The following TDRP variants were observed in gnomAD, a reference collection of about 807,000 sequenced individuals.
The protein encoded by TDRP is testis development related protein.
Under a neutral mutation model 10.5 loss-of-function variants are expected in TDRP, and 12 were observed. That is an observed-to-expected ratio of 1.15 (90% CI 0.73 to 1.86). TDRP has a LOEUF of 1.86. Among genes scored for constraint, TDRP ranks in the 40% most tolerant of loss-of-function variants. The pLI is 0.00. For missense variants in TDRP, 353 were observed against 229.2 expected (o/e 1.54, Z -3.49); for synonymous variants, 139 against 95.4 (o/e 1.46, Z -2.67).
intron 1 of TDRP, among the ~76,000 whole-genome samples, chr8:507,168 C>A (rs1373411625): frequency 2.0e-5 from 3 of 152,132 alleles, no homozygotes; most frequent in Non-Finnish European, 2.9e-5. Context: ...GAGACTCACT[C>A]ACTATCATGA....
intron 1 of TDRP, among the ~76,000 whole-genome samples, chr8:542,539 T>C (rs1012993683): frequency 2.0e-5 from 3 of 151,984 alleles, no homozygotes; most frequent in Non-Finnish European, 2.9e-5. Context: ...TATTAAAGTT[T>C]TTTCCCCCCA....
chr8:530,576 G>C (rs1223065325), intron 1 of TDRP, among the ~76,000 whole-genome samples: 3 of 152,124 alleles, frequency 2.0e-5, no homozygotes, highest in Non-Finnish European at 2.9e-5. Flanking sequence ...TCTTCTCTGG[G>C]CTTGTACATG....
chr8:524,389 A>C (rs1801983758), intron 1 of TDRP, among the ~76,000 whole-genome samples: 1 of 152,230 alleles, frequency 6.6e-6, no homozygotes, highest in African/African-American at 2.4e-5. Flanking sequence ...ATGCCCAGAC[A>C]CACACGAACA....
chr8:509,908 T>A (rs747659462), intron 1 of TDRP, among the ~76,000 whole-genome samples: 7 of 152,122 alleles, frequency 4.6e-5, no homozygotes, highest in Non-Finnish European at 8.8e-5. Context: ...CTAAGCTAAA[T>A]GGAAAAGTCA....
rs1032339853 is a variant in TDRP at position 490,998 on chromosome 8, T to A, written c.*1401A>T. 5 of 152,336 alleles carry A rather than the reference T, an allele frequency of 3.3e-5. No individual in the cohort carries two copies. Among genetic ancestry groups the A allele is most frequent in the Middle Eastern group, 3.4e-3 (1 of 294 alleles). 9.4% of individuals were successfully genotyped at this position (152,336 alleles called of 1,614,324 possible). On this transcript the variant is annotated 3_prime_UTR_variant, in exon 3 of 3. Coordinates refer to ENST00000324079, the MANE Select transcript of TDRP (RefSeq NM_001384899.1). ...ATAGGTATAAGTGATTGACACAGAT[T>A]ATAGATTTAGCTAGATGGATGCAAA... is the stretch of plus-strand genomic sequence containing the variant.
intron 1 of TDRP, among the ~76,000 whole-genome samples, chr8:531,419 G>A (rs1181593431): frequency 3.9e-5 from 6 of 152,154 alleles, no homozygotes; most frequent in African/African-American, 1.4e-4. Flanking sequence ...TCTGGCATCT[G>A]AAGTGGGTGC....
chr8:491,553 C>G lies in TDRP; in HGVS notation c.*846G>C. ...GCTTTGCAAGAACAAACATATGAGC[C>G]TAATAAAAAAGAGGCACTTCAGTAT... On this transcript the variant is annotated 3_prime_UTR_variant, in exon 3 of 3. Transcript: ENST00000324079. 4.1e-6 allele frequency: 6 copies of G among 1,449,770 alleles called. No individual in the cohort carries two copies. The highest frequency in any genetic ancestry group is 5.5e-6 in the Non-Finnish European group (6 of 1,095,194). The allele number at this position is 1,449,770 out of a possible 1,614,324, so 89.8% of individuals were successfully genotyped here.
chr8:507,497 C>A (rs528288238), intron 1 of TDRP, among the ~76,000 whole-genome samples: 1 of 152,108 alleles, frequency 6.6e-6, no homozygotes, highest in African/African-American at 2.4e-5. Context: ...TTAAACCATA[C>A]AGCAATCAGC....
chr8:519,740 A>G (rs1001189000), intron 1 of TDRP, among the ~76,000 whole-genome samples: 6 of 152,182 alleles, frequency 3.9e-5, no homozygotes, highest in Admixed American at 3.9e-4. Context: ...TGTGGAGGGA[A>G]CGTACTTTTT....
At chr8:526,462 C>T (rs1033988654) in intron 1 of TDRP, among the ~76,000 whole-genome samples, 4 of 152,106 alleles carry the variant, frequency 2.6e-5, no homozygotes, top group East Asian at 1.9e-4. Context: ...CAGCATCAAT[C>T]GAAATTATCA....
At chr8:514,890 G>A (rs1282509626) in intron 1 of TDRP, among the ~76,000 whole-genome samples, 2 of 152,002 alleles carry the variant, frequency 1.3e-5, no homozygotes, top group South Asian at 2.1e-4. Flanking sequence ...TCACGGGGAG[G>A]GCTACTTTAA....
intron 1 of TDRP, among the ~76,000 whole-genome samples, chr8:523,162 C>G (rs10216462): frequency 0.62 from 94,504 of 151,926 alleles, 30,222 homozygotes; most frequent in Non-Finnish European, 0.69. Flanking sequence ...TTTTTCTTTT[C>G]TGTATCCCCT....
intron 2 of TDRP, among the ~76,000 whole-genome samples, chr8:493,759 TG>T (rs1377953903): frequency 6.8e-6 from 1 of 147,524 alleles, no homozygotes; most frequent in Non-Finnish European, 1.5e-5. Context: ...TTTTTAACAG[TG>T]TTTTTTTTGG....
chr8:494,369 G>C, intron 2 of TDRP, 125 bp downstream of exon 2: 1 of 817,254 alleles, frequency 1.2e-6, no homozygotes, highest in South Asian at 1.7e-5. Context: ...GGGAAACATG[G>C]ACTCGCCGCG....
intron 1 of TDRP, among the ~76,000 whole-genome samples, chr8:534,713 T>C (rs543808985): frequency 6.6e-6 from 1 of 152,370 alleles, no homozygotes; most frequent in African/African-American, 2.4e-5. Flanking sequence ...TTTGCTGCTC[T>C]GCAAGTTGTG....
chr8:539,674 G>T (rs1802439654), intron 1 of TDRP, among the ~76,000 whole-genome samples: 1 of 152,174 alleles, frequency 6.6e-6, no homozygotes, highest in Non-Finnish European at 1.5e-5. Context: ...CAAGCAGGGA[G>T]AGAAAGGCCT....
At chr8:503,164 T>G (rs1801353302) in intron 1 of TDRP, among the ~76,000 whole-genome samples, 1 of 147,542 alleles carries the variant, frequency 6.8e-6, no homozygotes, top group Admixed American at 6.7e-5. Context: ...GAGCCACGCA[T>G]CAGAACCCAT....
intron 1 of TDRP, among the ~76,000 whole-genome samples, chr8:516,416 C>A (rs1801758675): frequency 6.6e-6 from 1 of 152,176 alleles, no homozygotes; most frequent in African/African-American, 2.4e-5. Flanking sequence ...TAAAACCCAA[C>A]AATAAGAAAA....
At chr8:515,098 C>T (rs773642987) in intron 1 of TDRP, among the ~76,000 whole-genome samples, 4 of 152,172 alleles carry the variant, frequency 2.6e-5, no homozygotes, top group Non-Finnish European at 5.9e-5. Flanking sequence ...TTGTGGGAAT[C>T]CACACAGAGC....
Sources: allele counts gnomAD v4.1 joint callset (sites outside exome capture counted in the v4.1 genomes callset), GRCh38; gene constraint gnomAD v4.1.1; transcripts MANE v1.5; gene names NCBI Gene and HGNC (gene_info 2026-07-23, HGNC 2026-07-21).